GNAQ: variants seen among roughly 807,000 people sequenced by gnomAD.
The protein encoded by GNAQ is G protein subunit alpha q.
In GNAQ, 8 loss-of-function variants were observed where a neutral mutation model predicts 43.9. That is an observed-to-expected ratio of 0.18 (90% CI 0.11 to 0.33). GNAQ has a LOEUF of 0.33. Ranked by LOEUF, GNAQ falls within the 10% of genes least tolerant of loss-of-function variation. The probability of loss-of-function intolerance (pLI) is 1.00; values close to 1 mark genes in which losing one functional copy is unlikely to be tolerated. For synonymous variants in GNAQ, 155 were observed against 170.7 expected (o/e 0.91, Z 0.71); for missense variants, 158 against 450.8 (o/e 0.35, Z 5.88).
At chr9:77,854,184 T>C (rs760797893) in intron 2 of GNAQ, among the ~76,000 whole-genome samples, 31 of 152,232 alleles carry the variant, frequency 2.0e-4, no homozygotes, top group Admixed American at 3.9e-4. Context: ...GTACTCTTTT[T>C]GGTTTTTTTA....
intron 5 of GNAQ, among the ~76,000 whole-genome samples, chr9:77,744,129 A>G (rs1587894121): frequency 6.6e-6 from 1 of 152,190 alleles, no homozygotes; most frequent in African/African-American, 2.4e-5. Flanking sequence ...TAGTGGTAGG[A>G]AAGTTATAGT....
At chr9:77,831,516 TGTA>T (rs1426218242) in intron 2 of GNAQ, among the ~76,000 whole-genome samples, 1 of 152,200 alleles carries the variant, frequency 6.6e-6, no homozygotes, top group Non-Finnish European at 1.5e-5. Flanking sequence ...TTGGTATGAC[TGTA>T]TTTATAAAAA....
intron 1 of GNAQ, among the ~76,000 whole-genome samples, chr9:77,988,001 G>A (rs1410174322): frequency 1.3e-5 from 2 of 152,220 alleles, no homozygotes; most frequent in African/African-American, 4.8e-5. Context: ...AAAGAGAGAC[G>A]GGAATGAGCT....
chr9:77,859,203 G>T (rs559465646), intron 2 of GNAQ, among the ~76,000 whole-genome samples: 3 of 152,112 alleles, frequency 2.0e-5, no homozygotes, highest in Non-Finnish European at 4.4e-5. Flanking sequence ...ATTCTTTCCA[G>T]TACTATTCTA....
chr9:77,763,133 CAAACAAACA>C (rs1321814375), intron 5 of GNAQ, among the ~76,000 whole-genome samples: 34 of 67,812 alleles, frequency 5.0e-4, no homozygotes, highest in Non-Finnish European at 8.2e-4. Flanking sequence ...AATAAACAAA[CAAACAAACA>C]AAAAAAAAAA....
chr9:77,926,630 A>G (rs1477214482), intron 1 of GNAQ, among the ~76,000 whole-genome samples: 1 of 152,208 alleles, frequency 6.6e-6, no homozygotes, highest in African/African-American at 2.4e-5. Context: ...TAATTTAAAT[A>G]TATCTCCAAT....
chr9:77,902,659 T>TA lies in GNAQ; in HGVS notation c.321+19501dup, dbSNP rs1452821067. Among the ~76,000 whole-genome samples the TA allele has an allele frequency of 3.3e-5, 5 of 152,238 alleles. No individual in the cohort carries two copies. In the South Asian group the frequency reaches 1.0e-3, roughly 31 times the overall value. On this transcript the variant is annotated intron_variant, in intron 2 of 6. Transcript: ENST00000286548. ...TGTTATTGATAATGAGTTCTGGTCT[T>TA]AGTCTTCAGAACAGGGTTTACAAAA...
chr9:77,846,660 G>A (rs1398305243), intron 2 of GNAQ, among the ~76,000 whole-genome samples: 1 of 152,132 alleles, frequency 6.6e-6, no homozygotes, highest in East Asian at 1.9e-4. Flanking sequence ...AGAAAATGCA[G>A]CAGAGAGTGA....
In GNAQ at chr9:78,031,080, G is replaced by T. The variant is rs778259637; in HGVS notation, c.136+20C>A. 4 of 1,444,966 alleles carry T rather than the reference G, an allele frequency of 2.8e-6. No homozygotes were observed. The South Asian group carries it at 4.1e-5, about 15-fold the overall frequency. 89.5% of individuals were successfully genotyped at this position (1,444,966 alleles called of 1,614,324 possible). ...GGGCTGGGGGCGCAGAGGCCCGGCGGGGCCCCGGACGGTACTCACCGAGCA... is the reference window on the plus strand; with the variant it reads ...GGGCTGGGGGCGCAGAGGCCCGGCGTGGCCCCGGACGGTACTCACCGAGCA... On this transcript the variant is annotated intron_variant, in intron 1 of 6. Coordinates refer to ENST00000286548, the MANE Select transcript of GNAQ (RefSeq NM_002072.5).
Position 77,716,683 on chromosome 9 carries a change from G to C in GNAQ, c.*4640C>G, listed in dbSNP as rs745751412. The C allele has an allele frequency of 5.6e-5, 13 of 232,704 alleles. No homozygotes were observed. The highest frequency in any genetic ancestry group is 1.7e-4 in the Admixed American group (3 of 17,754). 14.4% of individuals were successfully genotyped at this position (232,704 alleles called of 1,614,324 possible). On this transcript the variant is annotated 3_prime_UTR_variant, in exon 7 of 7. Transcript: ENST00000286548. ...TTTCTGTTTTTTCTGTCTACCAAAAGCTTATATAAAAGTCAGAATTTCTTT... is the reference window on the plus strand; with the variant it reads ...TTTCTGTTTTTTCTGTCTACCAAAACCTTATATAAAAGTCAGAATTTCTTT...
At chr9:77,953,467 G>A (rs900524981) in intron 1 of GNAQ, among the ~76,000 whole-genome samples, 1 of 152,166 alleles carries the variant, frequency 6.6e-6, no homozygotes, top group African/African-American at 2.4e-5. Flanking sequence ...TTACATGGAG[G>A]AGAGGTGTGT....
chr9:77,853,721 T>C (rs1827706672), intron 2 of GNAQ, among the ~76,000 whole-genome samples: 1 of 144,864 alleles, frequency 6.9e-6, no homozygotes, highest in South Asian at 2.2e-4. Context: ...GCTACTCCTG[T>C]GTGTCCTATT....
chr9:77,811,267 A>G (rs1413549881), intron 3 of GNAQ, among the ~76,000 whole-genome samples: 1 of 152,124 alleles, frequency 6.6e-6, no homozygotes, highest in Non-Finnish European at 1.5e-5. Context: ...CCAGAATAAC[A>G]ATGAAGTATG....
chr9:77,748,718 T>C (rs543230826), intron 5 of GNAQ, among the ~76,000 whole-genome samples: 2 of 152,352 alleles, frequency 1.3e-5, no homozygotes, highest in South Asian at 4.1e-4. Context: ...TCAACTGTTA[T>C]TGTCAGATAG....
In GNAQ at chr9:77,847,395, C is replaced by T. The variant is rs557983619; in HGVS notation, c.322-31625G>A. ...GTGTGCCTTCCTGTTGCCAGTGCCA[C>T]GAAAAACACGATGGGAATGGCCTGG... is the stretch of plus-strand genomic sequence containing the variant. On this transcript the variant is annotated intron_variant, in intron 2 of 6. Transcript: ENST00000286548. Among the ~76,000 whole-genome samples the T allele has an allele frequency of 6.5e-4, 99 of 152,206 alleles. No individual in the cohort carries two copies. In the Middle Eastern group the frequency reaches 0.017, roughly 26 times the overall value.
intron 1 of GNAQ, among the ~76,000 whole-genome samples, chr9:78,025,386 A>C (rs1053810866): frequency 6.6e-6 from 1 of 152,230 alleles, no homozygotes; most frequent in Non-Finnish European, 1.5e-5. Flanking sequence ...CGGCAGAACA[A>C]GAGTAAACGT....
At chr9:77,931,511 A>T (rs1829151240) in intron 1 of GNAQ, among the ~76,000 whole-genome samples, 1 of 151,882 alleles carries the variant, frequency 6.6e-6, no homozygotes, top group African/African-American at 2.4e-5. Flanking sequence ...GGATGGCGTG[A>T]GCCCCGGAGA....
intron 2 of GNAQ, among the ~76,000 whole-genome samples, chr9:77,832,876 C>T (rs1182260136): frequency 2.6e-5 from 4 of 152,190 alleles, no homozygotes; most frequent in Non-Finnish European, 2.9e-5. Flanking sequence ...ACACAAGCTG[C>T]GTCCACTCAC....
chr9:77,964,938 G>A (rs1450219527), intron 1 of GNAQ, among the ~76,000 whole-genome samples: 1 of 151,908 alleles, frequency 6.6e-6, no homozygotes, highest in Non-Finnish European at 1.5e-5. Flanking sequence ...ACAATTCACT[G>A]TACAACCCTT....
Sources: gnomAD v4.1 joint callset for allele counts (sites outside exome capture counted in the v4.1 genomes callset) on GRCh38, gnomAD v4.1.1 for gene constraint, MANE v1.5 for transcripts, NCBI Gene and HGNC (gene_info 2026-07-23, HGNC 2026-07-21) for gene names.